HDAC4: variants seen among roughly 807,000 people sequenced by gnomAD.
HDAC4 encodes the protein histone deacetylase 4, also known as histone deacetylase A.
HDAC4 carries 16 observed loss-of-function variants against 135.1 expected under a neutral mutation model. That is an observed-to-expected ratio of 0.12 (90% CI 0.08 to 0.18). The LOEUF (loss-of-function observed/expected upper bound fraction) is 0.18, where lower values mean the gene tolerates loss of function less well. Among genes scored for constraint, HDAC4 ranks in the 10% least tolerant of loss-of-function variants. The probability of loss-of-function intolerance (pLI) is 1.00; values close to 1 mark genes in which losing one functional copy is unlikely to be tolerated. For missense variants in HDAC4, 1,143 were observed against 1,511.8 expected (o/e 0.76, Z 4.05); for synonymous variants, 685 against 653.4 (o/e 1.05, Z -0.74).
rs1352893506 is a variant in HDAC4, at chr2:239,115,563, A to C, written c.1534-253T>G. On this transcript the variant is annotated intron_variant, in intron 12 of 26. Coordinates refer to ENST00000543185, the MANE Select transcript of HDAC4 (RefSeq NM_001378414.1). The surrounding 1 kb of genome is among the most constrained non-coding windows in gnomAD (Gnocchi z 6.3). ...TGACCTGGCCCAGGGAAGGAGGCTG[A>C]CTAACATTTGGGGTTTACTAAGCAC... Among the ~76,000 whole-genome samples, 1 of 152,142 alleles carries C rather than the reference A, an allele frequency of 6.6e-6. No individual in the cohort carries two copies. Among genetic ancestry groups the C allele is most frequent in the African/African-American group, 2.4e-5 (1 of 41,422 alleles).
rs1482521840 is a variant in HDAC4, at chr2:239,124,753, C to CACGTTAT, written c.1533+1702_1533+1703insATAACGT. On this transcript the variant is annotated intron_variant, in intron 12 of 26. Coordinates refer to ENST00000543185, the MANE Select transcript of HDAC4 (RefSeq NM_001378414.1). ...CGTGTGGCTGCGTTATATGACATTC[C>CACGTTAT]ATGTTATGTGACATTCTGGTGTGCT... Among the ~76,000 whole-genome samples the CACGTTAT allele has an allele frequency of 2.4e-3, 305 of 128,366 alleles. 5 individuals are homozygous for CACGTTAT. The highest frequency in any genetic ancestry group is 7.2e-3 in the Middle Eastern group (1 of 138). The allele number at this position is 128,366 out of a possible 152,430, so 84.2% of individuals were successfully genotyped here. A position where few individuals can be genotyped will look rare whatever the true frequency, so the allele number is the denominator to read the frequency against.
At chr2:239,233,681 A>G (rs1330580118) in intron 3 of HDAC4, among the ~76,000 whole-genome samples, 1 of 152,212 alleles carries the variant, frequency 6.6e-6, no homozygotes, top group Admixed American at 6.5e-5. Context: ...ATAATCAGAA[A>G]AAGACCTGTG....
At chr2:239,314,627 ATGAG>A (rs1262344591) in intron 2 of HDAC4, among the ~76,000 whole-genome samples, 4 of 152,208 alleles carry the variant, frequency 2.6e-5, no homozygotes, top group Admixed American at 6.5e-5. Context: ...TTAAAACTAA[ATGAG>A]TGAGTTAACT....
intron 3 of HDAC4, among the ~76,000 whole-genome samples, chr2:239,197,548 T>A (rs1373225136): frequency 6.6e-6 from 1 of 152,218 alleles, no homozygotes; most frequent in Non-Finnish European, 1.5e-5. Context: ...CTTCTGGAAC[T>A]TCTACCCCTT....
At chr2:239,214,457 C>A (rs1028030172) in intron 3 of HDAC4, among the ~76,000 whole-genome samples, 1 of 152,236 alleles carries the variant, frequency 6.6e-6, no homozygotes. Flanking sequence ...TAAGGTTACA[C>A]AGTCACAGGG....
At chr2:239,242,679 A>G (rs976014616) in intron 2 of HDAC4, among the ~76,000 whole-genome samples, 2 of 152,192 alleles carry the variant, frequency 1.3e-5, no homozygotes, top group Non-Finnish European at 2.9e-5. Flanking sequence ...ACTAAAGAGA[A>G]ATGGTGATAA....
intron 3 of HDAC4, among the ~76,000 whole-genome samples, chr2:239,226,182 GC>G (rs1223536372): frequency 6.6e-6 from 1 of 152,048 alleles, no homozygotes; most frequent in Non-Finnish European, 1.5e-5. Flanking sequence ...AAGATAAAAA[GC>G]CCTTTAACCA....
chr2:239,284,896 G>A (rs187891671), intron 2 of HDAC4, among the ~76,000 whole-genome samples: 17 of 152,320 alleles, frequency 1.1e-4, no homozygotes, highest in African/African-American at 3.4e-4. Context: ...TTTAATGTAA[G>A]TAATTAGGGT....
intron 22 of HDAC4, among the ~76,000 whole-genome samples, chr2:239,079,149 C>T (rs370690726): frequency 1.2e-4 from 18 of 152,320 alleles, no homozygotes; most frequent in Admixed American, 8.5e-4. Context: ...GATGGTGACA[C>T]GCCCACGCCA....
At chr2:239,380,100 T>C (rs938116312) in intron 1 of HDAC4, among the ~76,000 whole-genome samples, 1 of 152,136 alleles carries the variant, frequency 6.6e-6, no homozygotes, top group Admixed American at 6.5e-5. Context: ...CGTGGGCCCA[T>C]GGGTGCCAGA....
chr2:239,201,186 C>G (rs2045733505), intron 3 of HDAC4, among the ~76,000 whole-genome samples: 1 of 152,196 alleles, frequency 6.6e-6, no homozygotes, highest in South Asian at 2.1e-4. Flanking sequence ...ACCCTGGCAT[C>G]CTAACCTGGC....
chr2:239,336,541 T>C (rs975507538), intron 2 of HDAC4, among the ~76,000 whole-genome samples: 4 of 152,156 alleles, frequency 2.6e-5, no homozygotes, highest in Admixed American at 2.0e-4. Context: ...AAGGAAAAAC[T>C]GTAAAAGCTA....
At chr2:239,384,495 T>C (rs887787186) in intron 1 of HDAC4, among the ~76,000 whole-genome samples, 2 of 149,554 alleles carry the variant, frequency 1.3e-5, no homozygotes, top group African/African-American at 2.5e-5. Flanking sequence ...TGCACGCCTG[T>C]AGTCCCAGCT....
intron 23 of HDAC4, 194 bp from the exon 24 acceptor site, chr2:239,067,049 G>A (rs896937875): frequency 6.0e-6 from 4 of 667,290 alleles, no homozygotes; most frequent in South Asian, 3.8e-5. Flanking sequence ...TTTGAGAGGA[G>A]GAATTATGGC....
chr2:239,379,623 G>A (rs1055190257), intron 1 of HDAC4, among the ~76,000 whole-genome samples: 3 of 152,120 alleles, frequency 2.0e-5, no homozygotes, highest in Non-Finnish European at 4.4e-5. Flanking sequence ...GCTCCCCACA[G>A]CCCCCACCTT....
chr2:239,351,492 G>A (rs1322525425), intron 2 of HDAC4, among the ~76,000 whole-genome samples: 2 of 152,218 alleles, frequency 1.3e-5, no homozygotes, highest in African/African-American at 4.8e-5. Context: ...GAGGGAGAGA[G>A]CCAGCTCCAT....
At chr2:239,339,309 C>A (rs1015329166) in intron 2 of HDAC4, among the ~76,000 whole-genome samples, 1 of 152,190 alleles carries the variant, frequency 6.6e-6, no homozygotes, top group Non-Finnish European at 1.5e-5. Flanking sequence ...CAGGTGCCGA[C>A]AGAAGGCAAA....
intron 9 of HDAC4, among the ~76,000 whole-genome samples, chr2:239,136,377 C>T (rs1296281306): frequency 6.6e-6 from 1 of 152,186 alleles, no homozygotes; most frequent in Non-Finnish European, 1.5e-5. Flanking sequence ...GGGTTCTATC[C>T]TTTTTGATGG....
chr2:239,393,860 C>T (rs1696387216), intron 1 of HDAC4, among the ~76,000 whole-genome samples: 2 of 152,208 alleles, frequency 1.3e-5, no homozygotes, highest in Non-Finnish European at 2.9e-5. Context: ...TCAACTGAGT[C>T]TCATCTCATG....
Sources: allele counts gnomAD v4.1 joint callset (sites outside exome capture counted in the v4.1 genomes callset), GRCh38; gene constraint gnomAD v4.1.1; non-coding constraint Gnocchi (gnomAD v3.1); transcripts MANE v1.5; gene names NCBI Gene and HGNC (gene_info 2026-07-23, HGNC 2026-07-21).